Variants in NEO1 observed in about 807,000 individuals in gnomAD.
NEO1 encodes the protein neogenin 1, also known as neogenin.
In NEO1, 63 loss-of-function variants were observed where a neutral mutation model predicts 159.7. The ratio of observed to expected loss-of-function variants is 0.39; its 90% CI spans 0.32 to 0.49. The LOEUF (loss-of-function observed/expected upper bound fraction) is 0.49. Among genes scored for constraint, NEO1 ranks in the 20% least tolerant of loss-of-function variants. The pLI is 0.85. For missense variants in NEO1, 1,615 were observed against 1,831.0 expected, an observed-to-expected ratio of 0.88 and a Z score of 2.15; for synonymous variants, 633 against 662.0, an observed-to-expected ratio of 0.96 and a Z score of 0.67.
chr15:73,127,492 C>T (rs1407326394), intron 4 of NEO1, among the ~76,000 whole-genome samples: 1 of 152,152 alleles, frequency 6.6e-6, no homozygotes, highest in Non-Finnish European at 1.5e-5. Context: ...GCATCCCTGC[C>T]TTCTACCCAT....
At chr15:73,184,765 T>G (rs2035821786) in intron 7 of NEO1, among the ~76,000 whole-genome samples, 1 of 151,944 alleles carries the variant, frequency 6.6e-6, no homozygotes, top group African/African-American at 2.4e-5. Flanking sequence ...CCGTGTCTAC[T>G]AAAAATACAA....
intron 22 of NEO1, among the ~76,000 whole-genome samples, chr15:73,281,033 G>A (rs1213989044): frequency 2.0e-5 from 3 of 151,122 alleles, no homozygotes; most frequent in Admixed American, 6.6e-5. Flanking sequence ...GTGAAACCCC[G>A]TCTCTACTAA....
chr15:73,150,879 A>G (rs530528659), intron 5 of NEO1, among the ~76,000 whole-genome samples: 26 of 152,326 alleles, frequency 1.7e-4, no homozygotes, highest in African/African-American at 5.5e-4. Context: ...AAAGCTTCTT[A>G]TAAAAGTAAT....
chr15:73,062,522 C>T (rs986195528), intron 1 of NEO1, among the ~76,000 whole-genome samples: 1 of 152,198 alleles, frequency 6.6e-6, no homozygotes, highest in South Asian at 2.1e-4. Flanking sequence ...AACCACTGCT[C>T]ATGCTAACCT....
chr15:73,147,159 T>C (rs145844038), intron 5 of NEO1, among the ~76,000 whole-genome samples: 236 of 152,282 alleles, frequency 1.5e-3, no homozygotes, highest in African/African-American at 5.4e-3. Context: ...TAAGAGTCCT[T>C]CTTTGTGGTG....
chr15:73,171,447 T>A (rs1246419877), intron 5 of NEO1, among the ~76,000 whole-genome samples: 1 of 151,594 alleles, frequency 6.6e-6, no homozygotes, highest in African/African-American at 2.4e-5. Flanking sequence ...TCCTGTAGTC[T>A]CAGCTACTTG....
At chr15:73,141,419 C>T (rs574123665) in intron 5 of NEO1, among the ~76,000 whole-genome samples, 1 of 152,194 alleles carries the variant, frequency 6.6e-6, no homozygotes, top group Non-Finnish European at 1.5e-5. Flanking sequence ...TCATGTATTT[C>T]CTGTCATCTC....
At chr15:73,160,310 C>T (rs892684880) in intron 5 of NEO1, among the ~76,000 whole-genome samples, 2 of 152,202 alleles carry the variant, frequency 1.3e-5, no homozygotes, top group African/African-American at 2.4e-5. Flanking sequence ...CTTCAGTGGA[C>T]ACCTGCTGTA....
chr15:73,090,834 C>T (rs2069647245), intron 1 of NEO1, among the ~76,000 whole-genome samples: 1 of 152,096 alleles, frequency 6.6e-6, no homozygotes, highest in African/African-American at 2.4e-5. Flanking sequence ...TTAAATTACA[C>T]CCTATAGCAT....
intron 5 of NEO1, among the ~76,000 whole-genome samples, chr15:73,164,380 A>T (rs144964549): frequency 0.01 from 1,534 of 151,594 alleles, 25 homozygotes; most frequent in African/African-American, 0.035. Flanking sequence ...CACTCAGGTA[A>T]TTTTTTGTGT....
intron 22 of NEO1, among the ~76,000 whole-genome samples, chr15:73,281,611 C>G (rs1018678419): frequency 3.9e-5 from 6 of 152,192 alleles, no homozygotes; most frequent in African/African-American, 1.4e-4. Context: ...GTAGGAACTT[C>G]TTCCACAACA....
At chr15:73,245,865 G>T (rs887476248) in intron 9 of NEO1, among the ~76,000 whole-genome samples, 1 of 151,968 alleles carries the variant, frequency 6.6e-6, no homozygotes, top group Non-Finnish European at 1.5e-5. Context: ...ACAAGCATGA[G>T]CCATCGCACC....
intron 7 of NEO1, among the ~76,000 whole-genome samples, chr15:73,202,546 T>TTTCG (rs1472322001): frequency 4.6e-5 from 7 of 152,200 alleles, no homozygotes; most frequent in Admixed American, 4.6e-4. Flanking sequence ...CTCATGATTC[T>TTTCG]TTCGTTCTAG....
At chr15:73,273,780 G>T (rs754949568) in intron 19 of NEO1, 31 bp from the exon 20 acceptor site, 4 of 1,555,858 alleles carry the variant, frequency 2.6e-6, no homozygotes, top group Non-Finnish European at 3.5e-6. Context: ...GCAGGAGTGA[G>T]ATTTCTTTTC....
chr15:73,088,825 G>T (rs995218217), intron 1 of NEO1, among the ~76,000 whole-genome samples: 1 of 152,042 alleles, frequency 6.6e-6, no homozygotes, highest in South Asian at 2.1e-4. Context: ...AATTAATTGG[G>T]CGTGAAATAG....
intron 7 of NEO1, among the ~76,000 whole-genome samples, chr15:73,185,660 AAC>A (rs1006724799): frequency 1.3e-5 from 2 of 152,200 alleles, no homozygotes; most frequent in African/African-American, 4.8e-5. Flanking sequence ...AATTTATGCT[AAC>A]ACAAAATTTA....
intron 5 of NEO1, among the ~76,000 whole-genome samples, chr15:73,147,966 A>G (rs1408528408): frequency 6.6e-6 from 1 of 151,958 alleles, no homozygotes; most frequent in Non-Finnish European, 1.5e-5. Context: ...GGCACCCGCC[A>G]TCATGCCCGG....
At chr15:73,230,150 A>G (rs773320781) in intron 7 of NEO1, among the ~76,000 whole-genome samples, 17 of 152,340 alleles carry the variant, frequency 1.1e-4, no homozygotes, top group Admixed American at 2.0e-4. Context: ...ATTTGATAAC[A>G]TCCAGCAGTA....
intron 1 of NEO1, among the ~76,000 whole-genome samples, chr15:73,062,506 C>G (rs1201432487): frequency 6.6e-6 from 1 of 152,156 alleles, no homozygotes; most frequent in African/African-American, 2.4e-5. Context: ...TTACCTGACT[C>G]CTGCTAACCA....
Sources: gnomAD v4.1 joint callset for allele counts (sites outside exome capture counted in the v4.1 genomes callset) on GRCh38, gnomAD v4.1.1 for gene constraint, MANE v1.5 for transcripts, NCBI Gene and HGNC (gene_info 2026-07-23, HGNC 2026-07-21) for gene names.